NPHP4: variants seen among roughly 807,000 people sequenced by gnomAD.
NPHP4 encodes nephrocystin-4.
A neutral mutation model predicts 155.8 loss-of-function variants in NPHP4; 151 were observed. The observed-to-expected ratio is 0.97, with a 90% CI of 0.85 to 1.11. The LOEUF (loss-of-function observed/expected upper bound fraction) is 1.11, where lower values mean the gene tolerates loss of function less well. NPHP4 is among the 50% of genes least tolerant of loss of function. NPHP4 has a pLI of 0.00. For missense variants in NPHP4, 1,956 were observed against 1,925.7 expected (o/e 1.02, Z -0.29); for synonymous variants, 845 against 816.8 (o/e 1.03, Z -0.59).
intron 11 of NPHP4, among the ~76,000 whole-genome samples, chr1:5,925,269 T>C (rs532594340): frequency 1.3e-5 from 2 of 152,244 alleles, no homozygotes; most frequent in South Asian, 2.1e-4. Context: ...AACAGTACAA[T>C]GATTTACATA....
At chr1:5,877,934 C>T (rs912674811) in intron 19 of NPHP4, among the ~76,000 whole-genome samples, 2 of 152,230 alleles carry the variant, frequency 1.3e-5, no homozygotes, top group Non-Finnish European at 2.9e-5. Flanking sequence ...AAAGGCTCAG[C>T]CACTACTGGA....
intron 12 of NPHP4, 62 bp from the exon 13 acceptor site, chr1:5,907,284 C>T: frequency 9.3e-7 from 1 of 1,079,560 alleles, no homozygotes; most frequent in Non-Finnish European, 1.3e-6. Flanking sequence ...CACAAAGCTC[C>T]CAACATGCAC....
chr1:5,958,692 C>CAAAAAA (rs35749567), intron 6 of NPHP4, among the ~76,000 whole-genome samples: 1 of 124,964 alleles, frequency 8.0e-6, no homozygotes. Flanking sequence ...AAGACTGTCT[C>CAAAAAA]AAAAAAAAAA....
intron 11 of NPHP4, among the ~76,000 whole-genome samples, chr1:5,915,982 G>A (rs1645449864): frequency 6.6e-6 from 1 of 152,084 alleles, no homozygotes; most frequent in African/African-American, 2.4e-5. Flanking sequence ...AGGCACCACG[G>A]GGCAGGAATC....
rs1646370640 is a variant in NPHP4 at position 5,933,269 on chromosome 1, A to G, written c.1180T>C (p.Trp394Arg). 1.2e-6 allele frequency: 2 copies of G among 1,613,814 alleles called. No homozygotes were observed. The highest frequency in any genetic ancestry group is 1.7e-6 in the Non-Finnish European group (2 of 1,179,876). Residue 394 changes from tryptophan (W) to arginine (R), a missense_variant, in exon 10 of 30, where the codon TGG (tryptophan) becomes CGG (arginine). By Grantham distance (101) the Trp-to-Arg change is moderately radical. Coordinates refer to ENST00000378156, the MANE Select transcript of NPHP4 (RefSeq NM_015102.5). ...GAATCAGCTTCCAGCAAGGGGTTCC[A>G]AACAGCCCAGCGGACCATGTGCATG... is the stretch of plus-strand genomic sequence containing the variant. ...ACMHMVRWAV[W>R]NPLLEADSGR...
chr1:5,894,729 G>A (rs145352922), intron 16 of NPHP4, among the ~76,000 whole-genome samples: 7 of 151,738 alleles, frequency 4.6e-5, no homozygotes, highest in African/African-American at 1.4e-4. Flanking sequence ...AAAAATCAAG[G>A]AGAAATGAGG....
chr1:5,896,925 C>G (rs756525227), intron 16 of NPHP4, among the ~76,000 whole-genome samples: 1 of 152,132 alleles, frequency 6.6e-6, no homozygotes, highest in Non-Finnish European at 1.5e-5. Context: ...CCCCATGCAT[C>G]GATGAAGATG....
chr1:5,862,947 A>C lies in NPHP4; in HGVS notation c.*318T>G, dbSNP rs1467802159. 1 of 375,554 alleles carries C rather than the reference A, an allele frequency of 2.7e-6. No individual in the cohort carries two copies. Among genetic ancestry groups the C allele is most frequent in the African/African-American group, 2.0e-5 (1 of 49,922 alleles). 23.3% of individuals were successfully genotyped at this position (375,554 alleles called of 1,614,324 possible). On this transcript the variant is annotated 3_prime_UTR_variant, in exon 30 of 30. Coordinates refer to ENST00000378156, the MANE Select transcript of NPHP4 (RefSeq NM_015102.5). ...AAACATAATTTTCTCATTTAGGATG[A>C]TTCATAAAATACATTTTGAGCAACA...
chr1:5,946,055 AAT>A (rs1342347793), intron 9 of NPHP4, among the ~76,000 whole-genome samples: 1 of 152,174 alleles, frequency 6.6e-6, no homozygotes, highest in Non-Finnish European at 1.5e-5. Flanking sequence ...ATTGTTGTTA[AAT>A]ATCTTACCGT....
intron 13 of NPHP4, among the ~76,000 whole-genome samples, chr1:5,906,798 T>C (rs1644932870): frequency 1.3e-5 from 2 of 152,226 alleles, no homozygotes; most frequent in Non-Finnish European, 1.5e-5. Context: ...TCTATAGATA[T>C]AGCCACACCT....
rs12084067 is a variant in NPHP4, at chr1:5,875,042, C to T, written c.2876G>A (p.Arg959Gln). 3,085 of 1,608,826 alleles carry T rather than the reference C, an allele frequency of 1.9e-3. 59 individuals carry two copies. In the African/African-American group the frequency reaches 0.036, roughly 19 times the overall value. The change falls in exon 21 of 30, where the codon CGG (arginine) becomes CAG (glutamine). Residue 959 changes from arginine (R) to glutamine (Q), a missense_variant. By Grantham distance (43) the Arg-to-Gln change is conservative (BLOSUM62 1). Coordinates refer to ENST00000378156, the MANE Select transcript of NPHP4 (RefSeq NM_015102.5). ...LRDLQVIAAYRERTKAESIAS... is the reference protein window; with the variant it reads ...LRDLQVIAAYQERTKAESIAS... The stretch of plus-strand genomic sequence containing the variant: ...GATGCTCTCGGCCTTCGTGCGTTCC[C>T]GGTAGGCGGCGATGACCTGTAGGTC...
At position 5,887,285 on chromosome 1, in the gene NPHP4, C is replaced by A; in HGVS notation, c.2485+1G>T. 1 of 1,611,674 alleles carries A rather than the reference C, an allele frequency of 6.2e-7. No homozygotes were observed. The highest frequency in any genetic ancestry group is 8.5e-7 in the Non-Finnish European group (1 of 1,179,084). ...AATGGCACAAGGCTGGGGACTCTTA[C>A]CCACGTTGGCCAAAGTCAGGTGCAG... On this transcript the variant is annotated splice_donor_variant, in intron 18 of 29. Transcript: ENST00000378156. LOFTEE classifies it high-confidence loss of function.
chr1:5,952,959 TC>T, intron 6 of NPHP4, 123 bp from the exon 7 acceptor site: 1 of 806,620 alleles, frequency 1.2e-6, no homozygotes, highest in Non-Finnish European at 1.9e-6. Context: ...TGCTCGGGAC[TC>T]CCAGACAGAG....
At position 5,963,948 on chromosome 1, in the gene NPHP4, A is replaced by G. The variant is rs565751687; in HGVS notation, c.518-1999T>C. On this transcript the variant is annotated intron_variant, in intron 5 of 29. Coordinates refer to ENST00000378156, the MANE Select transcript of NPHP4 (RefSeq NM_015102.5). ...GGTGATCTGCCTGCCTTGGCCTCCC[A>G]AAGTGCTGGGATTACAGGCGTGAAC... 3.9e-5 allele frequency among the ~76,000 whole-genome samples: 6 copies of G among 152,250 alleles called. No homozygotes were observed. The South Asian group carries it at 1.2e-3, about 32-fold the overall frequency.
chr1:5,887,144 C>CA (rs1233975620), intron 18 of NPHP4, 142 bp downstream of exon 18: 2 of 783,746 alleles, frequency 2.6e-6, no homozygotes, highest in African/African-American at 3.5e-5. Flanking sequence ...ACACAGGCTC[C>CA]ATGGCCAAGC....
intron 3 of NPHP4, among the ~76,000 whole-genome samples, chr1:5,972,759 T>C (rs989487736): frequency 6.6e-6 from 1 of 152,200 alleles, no homozygotes; most frequent in African/African-American, 2.4e-5. Flanking sequence ...TTTTTTTTCA[T>C]AGGTTTTTGG....
At position 5,990,199 on chromosome 1, in the gene NPHP4, C is replaced by T. The variant is rs1040708366; in HGVS notation, c.-39+2045G>A. On this transcript the variant is annotated intron_variant, in intron 1 of 29. Coordinates refer to ENST00000378156, the MANE Select transcript of NPHP4 (RefSeq NM_015102.5). ...GAGCGAGAGCCCCATCCCCCACCTCCGGCTGCTCCCACACAGGGCAGGTGA... is the reference window on the plus strand; with the variant it reads ...GAGCGAGAGCCCCATCCCCCACCTCTGGCTGCTCCCACACAGGGCAGGTGA... Among the ~76,000 whole-genome samples, 16 of 152,302 alleles carry T rather than the reference C, an allele frequency of 1.1e-4. 1 individual carries two copies. In the East Asian group the frequency reaches 2.5e-3, roughly 24 times the overall value.
intron 6 of NPHP4, among the ~76,000 whole-genome samples, chr1:5,955,061 A>C (rs1570620940): frequency 6.6e-6 from 1 of 152,148 alleles, no homozygotes; most frequent in Admixed American, 6.5e-5. Context: ...TTGATTTTAA[A>C]ATGGGCAAAA....
At chr1:5,949,369 C>CACACACACACACACAA (rs1047844844) in intron 7 of NPHP4, among the ~76,000 whole-genome samples, 1 of 151,826 alleles carries the variant, frequency 6.6e-6, no homozygotes. Flanking sequence ...CACACACACA[C>CACACACACACACACAA]AACTTGCTAA....
Sources: gnomAD v4.1 joint callset for allele counts (sites outside exome capture counted in the v4.1 genomes callset) on GRCh38, gnomAD v4.1.1 for gene constraint, MANE v1.5 for transcripts, NCBI Gene and HGNC (gene_info 2026-07-23, HGNC 2026-07-21) for gene names.